The following PHC2 variants were observed in gnomAD, a reference collection of about 807,000 sequenced individuals.
PHC2 encodes the protein polyhomeotic-like protein 2.
A neutral mutation model predicts 87.4 loss-of-function variants in PHC2; 29 were observed. The ratio of observed to expected loss-of-function variants is 0.33; its 90% CI spans 0.25 to 0.45. PHC2 has a LOEUF of 0.45. Among genes scored for constraint, PHC2 ranks in the 20% least tolerant of loss-of-function variants. PHC2 has a pLI of 1.00. For missense variants in PHC2, 857 were observed against 1,136.7 expected (o/e 0.75, Z 3.54); for synonymous variants, 438 against 461.7 (o/e 0.95, Z 0.66).
intron 1 of PHC2, among the ~76,000 whole-genome samples, chr1:33,388,510 A>G (rs1348685348): frequency 6.6e-6 from 1 of 151,930 alleles, no homozygotes; most frequent in Non-Finnish European, 1.5e-5. Flanking sequence ...TTTTTAGTAG[A>G]GACAGGGTTT....
At chr1:33,401,821 A>G (rs1375634810) in intron 1 of PHC2, among the ~76,000 whole-genome samples, 1 of 152,214 alleles carries the variant, frequency 6.6e-6, no homozygotes, top group African/African-American at 2.4e-5. Context: ...GAAAAATGAA[A>G]TTGATCTCCC....
intron 1 of PHC2, among the ~76,000 whole-genome samples, chr1:33,388,545 G>T (rs369415332): frequency 6.6e-6 from 1 of 151,546 alleles, no homozygotes; most frequent in Non-Finnish European, 1.5e-5. Context: ...GGCTGGTCTC[G>T]AACTCCTGAC....
In PHC2 at chr1:33,367,108, G is replaced by T; in HGVS notation, c.976+8C>A. The T allele has an allele frequency of 6.3e-7, 1 of 1,591,406 alleles. No homozygotes were observed. The highest frequency in any genetic ancestry group is 8.6e-7 in the Non-Finnish European group (1 of 1,164,350). ...TGGGAAAGGATTCCTGCTTCCTGAA[G>T]ACCTTACCTGGTGCAATGAGGGGGT... On this transcript the variant is annotated splice_region_variant and intron_variant, in intron 7 of 14. Transcript: ENST00000683057.
chr1:33,422,646 C>T (rs1650475865), intron 1 of PHC2, among the ~76,000 whole-genome samples: 1 of 152,202 alleles, frequency 6.6e-6, no homozygotes, highest in African/African-American at 2.4e-5. Context: ...TTTGAGAAAG[C>T]AATTTCATTT....
At chr1:33,345,984 A>C (rs1247741994) in intron 9 of PHC2, 1 of 985,048 alleles carries the variant, frequency 1.0e-6, no homozygotes, top group East Asian at 1.1e-4. Context: ...AAAAACAGAA[A>C]ACATATTCAA....
intron 1 of PHC2, among the ~76,000 whole-genome samples, chr1:33,386,527 A>G (rs1648763198): frequency 6.6e-6 from 1 of 152,000 alleles, no homozygotes; most frequent in South Asian, 2.1e-4. Flanking sequence ...TCAAAAAAAA[A>G]AGATCCCTAT....
chr1:33,376,452 T>C (rs4233201), intron 1 of PHC2, among the ~76,000 whole-genome samples: 109,187 of 152,194 alleles, frequency 0.72, 39,942 homozygotes, highest in African/African-American at 0.86. Context: ...CCTGTTTATT[T>C]TGCCAGAGGA....
chr1:33,370,966 A>G, intron 4 of PHC2, 51 bp downstream of exon 4: 1 of 1,484,728 alleles, frequency 6.7e-7, no homozygotes. Context: ...GAACTTGGGC[A>G]TTTTGGTCCT....
chr1:33,396,081 T>TA (rs1193577616), intron 1 of PHC2, among the ~76,000 whole-genome samples: 3 of 152,176 alleles, frequency 2.0e-5, no homozygotes, highest in African/African-American at 7.2e-5. Flanking sequence ...GCTTTAGAAT[T>TA]AAAAAACCTT....
At chr1:33,356,341 G>A (rs1371525703) in intron 7 of PHC2, among the ~76,000 whole-genome samples, 2 of 146,088 alleles carry the variant, frequency 1.4e-5, no homozygotes, top group Non-Finnish European at 3.0e-5. Flanking sequence ...TTCTCGGAGA[G>A]GGGGATTTGG....
At chr1:33,359,437 C>G (rs761609600) in intron 7 of PHC2, among the ~76,000 whole-genome samples, 3 of 152,186 alleles carry the variant, frequency 2.0e-5, no homozygotes, top group Admixed American at 6.5e-5. Context: ...GGCCTACCAG[C>G]AAGGAGAATG....
intron 1 of PHC2, among the ~76,000 whole-genome samples, chr1:33,386,976 T>C (rs1180573135): frequency 1.3e-5 from 2 of 152,260 alleles, no homozygotes; most frequent in Non-Finnish European, 2.9e-5. Context: ...AACCGTAGTA[T>C]GCTGGCCATT....
chr1:33,408,084 T>C (rs1304444498), intron 1 of PHC2, among the ~76,000 whole-genome samples: 6 of 152,252 alleles, frequency 3.9e-5, no homozygotes, highest in African/African-American at 1.4e-4. Flanking sequence ...ACCTTTTTAG[T>C]ACATGTAAGA....
At chr1:33,354,588 A>G (rs991936498) in intron 8 of PHC2, 22 bp from the exon 9 acceptor site, 3 of 1,601,802 alleles carry the variant, frequency 1.9e-6, no homozygotes, top group East Asian at 2.2e-5. Context: ...CAGGACAGAG[A>G]GGGGGGCCTC....
chr1:33,373,910 T>C (rs1648010439), intron 2 of PHC2, among the ~76,000 whole-genome samples: 1 of 152,110 alleles, frequency 6.6e-6, no homozygotes, highest in African/African-American at 2.4e-5. Context: ...TGGCTCAGAT[T>C]TGGGGTTCTG....
At chr1:33,335,014 C>T (rs1412782322) in intron 9 of PHC2, among the ~76,000 whole-genome samples, 7 of 152,164 alleles carry the variant, frequency 4.6e-5, no homozygotes. Flanking sequence ...TCCTCATGCC[C>T]AGATGTCAGC....
At chr1:33,371,364 G>A (rs959120366) in intron 3 of PHC2, among the ~76,000 whole-genome samples, 2 of 152,084 alleles carry the variant, frequency 1.3e-5, no homozygotes, top group African/African-American at 2.4e-5. Flanking sequence ...TTAGGCCACC[G>A]CCTTCGGTGT....
intron 1 of PHC2, among the ~76,000 whole-genome samples, chr1:33,408,402 A>C (rs1649848536): frequency 6.6e-6 from 1 of 152,142 alleles, no homozygotes; most frequent in African/African-American, 2.4e-5. Context: ...TCCTGACTAG[A>C]CAGTAAGCTC....
At chr1:33,381,064 T>A (rs1648467328) in intron 1 of PHC2, among the ~76,000 whole-genome samples, 1 of 152,078 alleles carries the variant, frequency 6.6e-6, no homozygotes, top group Non-Finnish European at 1.5e-5. Context: ...ACAACTTGAG[T>A]CTCTCCTGTG....
Sources: allele counts gnomAD v4.1 joint callset (sites outside exome capture counted in the v4.1 genomes callset), GRCh38; gene constraint gnomAD v4.1.1; transcripts MANE v1.5; gene names NCBI Gene and HGNC (gene_info 2026-07-23, HGNC 2026-07-21).